PSEN1: variants seen among roughly 807,000 people sequenced by gnomAD.
The protein encoded by PSEN1 is presenilin 1.
Under a neutral mutation model 53.5 loss-of-function variants are expected in PSEN1, and 15 were observed. The observed-to-expected ratio is 0.28, with a 90% CI of 0.19 to 0.43. The LOEUF is 0.43. Among genes scored for constraint, PSEN1 ranks in the 20% least tolerant of loss-of-function variants. The probability of loss-of-function intolerance (pLI) is 1.00; values close to 1 mark genes in which losing one functional copy is unlikely to be tolerated. For missense variants in PSEN1, 387 were observed against 571.2 expected, an observed-to-expected ratio of 0.68 and a Z score of 3.29; for synonymous variants, 208 against 209.8, an observed-to-expected ratio of 0.99 and a Z score of 0.08.
intron 3 of PSEN1, among the ~76,000 whole-genome samples, chr14:73,152,515 G>T (rs1321439702): frequency 1.3e-5 from 2 of 151,566 alleles, no homozygotes; most frequent in Admixed American, 1.3e-4. Context: ...ACTGAAGCAC[G>T]AGAATTGCTT....
At chr14:73,146,703 GA>G (rs969538706) in intron 1 of PSEN1, among the ~76,000 whole-genome samples, 1 of 151,610 alleles carries the variant, frequency 6.6e-6, no homozygotes, top group African/African-American at 2.4e-5. Flanking sequence ...ATCATTAGAA[GA>G]AAAAAAATGG....
Position 73,138,410 on chromosome 14 carries a change from G to A in PSEN1, c.-136+1827G>A, listed in dbSNP as rs181919055. 1.8e-3 allele frequency among the ~76,000 whole-genome samples: 277 copies of A among 151,238 alleles called. 1 individual carries two copies. Among genetic ancestry groups the A allele is most frequent in the African/African-American group, 6.2e-3 (255 of 41,398 alleles). The stretch of plus-strand genomic sequence containing the variant: ...ATTTTTTTGTATTTTTAGTAGACAC[G>A]GGGTTTCACCGTGTTAGCCAGTATG... On this transcript the variant is annotated intron_variant, in intron 1 of 11. Transcript: ENST00000324501.
At chr14:73,146,864 T>C (rs1897086097) in intron 1 of PSEN1, among the ~76,000 whole-genome samples, 3 of 152,164 alleles carry the variant, frequency 2.0e-5, no homozygotes, top group Non-Finnish European at 4.4e-5. Flanking sequence ...CTGAAAACCT[T>C]CTGTGAAAAG....
chr14:73,156,233 A>T (rs575801257), intron 3 of PSEN1, among the ~76,000 whole-genome samples: 8 of 152,086 alleles, frequency 5.3e-5, no homozygotes, highest in African/African-American at 1.9e-4. Context: ...GCATGTGCCT[A>T]TAGTCCCAGG....
At chr14:73,202,268 C>T (rs1394803094) in intron 8 of PSEN1, among the ~76,000 whole-genome samples, 6 of 149,370 alleles carry the variant, frequency 4.0e-5, no homozygotes, top group African/African-American at 1.2e-4. Flanking sequence ...AAAATACATT[C>T]TACTCAAAGT....
intron 11 of PSEN1, among the ~76,000 whole-genome samples, chr14:73,218,267 A>C (rs578068582): frequency 6.6e-6 from 1 of 151,496 alleles, no homozygotes; most frequent in South Asian, 2.1e-4. Context: ...TTGTATTTTT[A>C]GTGGAGATGA....
intron 10 of PSEN1, among the ~76,000 whole-genome samples, chr14:73,214,275 A>G (rs1232484043): frequency 6.6e-6 from 1 of 152,226 alleles, no homozygotes; most frequent in East Asian, 1.9e-4. Flanking sequence ...AAGCACCTGT[A>G]ATCCCAGCAC....
At chr14:73,190,860 G>A (rs947178818) in intron 6 of PSEN1, among the ~76,000 whole-genome samples, 1 of 152,118 alleles carries the variant, frequency 6.6e-6, no homozygotes, top group African/African-American at 2.4e-5. Context: ...GATTGTTTTT[G>A]TTTTTGTTTT....
chr14:73,201,095 G>C (rs1899164813), intron 8 of PSEN1, among the ~76,000 whole-genome samples: 1 of 151,930 alleles, frequency 6.6e-6, no homozygotes, highest in African/African-American at 2.4e-5. Context: ...TTGTTTGTTT[G>C]TTTGTTTGTT....
chr14:73,182,832 T>C (rs1171015432), intron 5 of PSEN1, among the ~76,000 whole-genome samples: 1 of 152,036 alleles, frequency 6.6e-6, no homozygotes. Context: ...AAGTGAGGCT[T>C]CATCTCCCAA....
chr14:73,161,236 A>G (rs1897526856), intron 3 of PSEN1, among the ~76,000 whole-genome samples: 1 of 152,006 alleles, frequency 6.6e-6, no homozygotes, highest in Admixed American at 6.6e-5. Flanking sequence ...TAGCCTCCCA[A>G]ACTGCTGGGG....
chr14:73,182,686 A>C (rs1898257211), intron 5 of PSEN1, among the ~76,000 whole-genome samples: 1 of 151,874 alleles, frequency 6.6e-6, no homozygotes, highest in African/African-American at 2.4e-5. Flanking sequence ...TCTAATACAA[A>C]AATCACCTGG....
chr14:73,160,936 T>C (rs574374227), intron 3 of PSEN1, among the ~76,000 whole-genome samples: 10 of 150,604 alleles, frequency 6.6e-5, no homozygotes, highest in African/African-American at 2.4e-4. Context: ...TAATGTATTC[T>C]GGATATTAAT....
At chr14:73,195,728 A>ACTACAGGCACAGGTTGGTG (rs1417793547) in intron 7 of PSEN1, among the ~76,000 whole-genome samples, 1 of 152,048 alleles carries the variant, frequency 6.6e-6, no homozygotes, top group Non-Finnish European at 1.5e-5. Flanking sequence ...AGTAGATAAG[A>ACTACAGGCACAGGTTGGTG]CTACAGGCAC....
At chr14:73,181,642 G>T (rs892375788) in intron 5 of PSEN1, among the ~76,000 whole-genome samples, 2 of 152,160 alleles carry the variant, frequency 1.3e-5, no homozygotes, top group Admixed American at 6.5e-5. Context: ...ATGAGAATAT[G>T]TTTGTAATAA....
intron 3 of PSEN1, among the ~76,000 whole-genome samples, chr14:73,167,061 T>C (rs1273219472): frequency 2.0e-5 from 3 of 152,198 alleles, no homozygotes; most frequent in East Asian, 3.8e-4. Flanking sequence ...TGAAATTCTT[T>C]TCATTGTTGT....
intron 6 of PSEN1, among the ~76,000 whole-genome samples, chr14:73,187,457 T>C (rs1254495265): frequency 9.2e-5 from 14 of 152,218 alleles, no homozygotes; most frequent in Non-Finnish European, 1.5e-5. Flanking sequence ...GCTCTTAAAT[T>C]CGAAGAGGCA....
chr14:73,140,202 C>CT (rs35223948), intron 1 of PSEN1, among the ~76,000 whole-genome samples: 1,887 of 73,090 alleles, frequency 0.026, 239 homozygotes, highest in Middle Eastern at 0.041. Flanking sequence ...TTTTGCTATT[C>CT]TTTTTTTTTT....
intron 5 of PSEN1, among the ~76,000 whole-genome samples, chr14:73,178,802 A>G (rs1365593906): frequency 1.3e-5 from 2 of 151,624 alleles, no homozygotes; most frequent in Non-Finnish European, 2.9e-5. Flanking sequence ...AAGGATTTTG[A>G]TATTTTTGTT....
Sources: gnomAD v4.1 joint callset for allele counts (sites outside exome capture counted in the v4.1 genomes callset) on GRCh38, gnomAD v4.1.1 for gene constraint, MANE v1.5 for transcripts, NCBI Gene and HGNC (gene_info 2026-07-23, HGNC 2026-07-21) for gene names.